The following MCHR2 variants were observed in gnomAD, a reference collection of about 807,000 sequenced individuals.
MCHR2 encodes the protein melanin concentrating hormone receptor 2.
A neutral mutation model predicts 24.8 loss-of-function variants in MCHR2; 15 were observed. The ratio of observed to expected loss-of-function variants is 0.60; its 90% CI spans 0.40 to 0.93. MCHR2 has a LOEUF of 0.93. MCHR2 is among the 40% of genes least tolerant of loss of function. MCHR2 has a pLI of 0.00. For synonymous variants in MCHR2, 151 were observed against 147.6 expected (o/e 1.02, Z -0.17); for missense variants, 386 against 408.7 (o/e 0.94, Z 0.48).
chr6:99,986,755 C>T (rs1216033685), intron 1 of MCHR2, among the ~76,000 whole-genome samples: 1 of 151,546 alleles, frequency 6.6e-6, no homozygotes, highest in East Asian at 1.9e-4. Flanking sequence ...ACACTAATAG[C>T]CCCAGACTTC....
intron 1 of MCHR2, among the ~76,000 whole-genome samples, chr6:99,957,499 A>C (rs1223065127): frequency 6.6e-6 from 1 of 152,110 alleles, no homozygotes; most frequent in Non-Finnish European, 1.5e-5. Flanking sequence ...AATGCTGAAC[A>C]TTTCCCTTTC....
intron 1 of MCHR2, among the ~76,000 whole-genome samples, chr6:99,973,818 GA>G (rs1163062710): frequency 3.3e-5 from 5 of 152,106 alleles, no homozygotes; most frequent in Non-Finnish European, 1.5e-5. Context: ...CTTCACTTAT[GA>G]AGCTTAGTTC....
chr6:99,973,239 G>T (rs574978480), intron 1 of MCHR2, among the ~76,000 whole-genome samples: 1 of 151,684 alleles, frequency 6.6e-6, no homozygotes, highest in African/African-American at 2.4e-5. Flanking sequence ...TTATGAATCT[G>T]GGTGCTCCTG....
chr6:99,962,483 G>A (rs962090713), intron 1 of MCHR2, among the ~76,000 whole-genome samples: 2 of 152,136 alleles, frequency 1.3e-5, no homozygotes, highest in African/African-American at 4.8e-5. Flanking sequence ...GGGTGCCAAA[G>A]TATACAATTG....
chr6:99,938,556 T>C (rs1774711157), intron 4 of MCHR2, among the ~76,000 whole-genome samples: 1 of 152,070 alleles, frequency 6.6e-6, no homozygotes, highest in Non-Finnish European at 1.5e-5. Flanking sequence ...TGGTCAAAGA[T>C]ACTTGCTATA....
intron 1 of MCHR2, among the ~76,000 whole-genome samples, chr6:99,968,032 A>G (rs1286008474): frequency 1.3e-5 from 2 of 152,202 alleles, no homozygotes; most frequent in Non-Finnish European, 2.9e-5. Flanking sequence ...TGAGGTTGTG[A>G]TGATTAATGT....
At chr6:99,941,403 C>T (rs1223150365) in intron 4 of MCHR2, among the ~76,000 whole-genome samples, 1 of 151,966 alleles carries the variant, frequency 6.6e-6, no homozygotes, top group Admixed American at 6.6e-5. Context: ...ATTCAGTCAG[C>T]TTGCTTCTAT....
chr6:99,953,692 T>TC (rs1775008019), intron 2 of MCHR2, among the ~76,000 whole-genome samples: 1 of 151,918 alleles, frequency 6.6e-6, no homozygotes, highest in African/African-American at 2.4e-5. Flanking sequence ...CGCTGCTTTT[T>TC]TTTTTGGTAT....
chr6:99,968,673 C>G (rs1035190331), intron 1 of MCHR2, among the ~76,000 whole-genome samples: 1 of 152,062 alleles, frequency 6.6e-6, no homozygotes, highest in African/African-American at 2.4e-5. Context: ...CCAACAACAG[C>G]AGACTTAACA....
intron 1 of MCHR2, among the ~76,000 whole-genome samples, chr6:99,974,359 T>C (rs1014050370): frequency 6.6e-6 from 1 of 152,270 alleles, no homozygotes; most frequent in South Asian, 2.1e-4. Context: ...CATTGGCTCC[T>C]GAGGCTTCTG....
intron 1 of MCHR2, among the ~76,000 whole-genome samples, chr6:99,968,050 CA>C (rs1362096075): frequency 6.6e-6 from 1 of 151,642 alleles, no homozygotes; most frequent in African/African-American, 2.4e-5. Flanking sequence ...TGTGATAATC[CA>C]AAAAAAGTAT....
chr6:99,955,727 T>A (rs1775045919), intron 2 of MCHR2, among the ~76,000 whole-genome samples: 1 of 152,090 alleles, frequency 6.6e-6, no homozygotes, highest in Non-Finnish European at 1.5e-5. Flanking sequence ...CCCTAAAAAC[T>A]CACTGACCCA....
rs1415244348 is a variant in MCHR2, at chr6:99,919,022, C to T, written c.*1918G>A. Among the ~76,000 whole-genome samples the T allele has an allele frequency of 6.6e-6, 1 of 152,160 alleles. No homozygotes were observed. The highest frequency in any genetic ancestry group is 1.5e-5 in the Non-Finnish European group (1 of 68,032). On this transcript the variant is annotated 3_prime_UTR_variant, in exon 6 of 6. Coordinates refer to ENST00000281806, the MANE Select transcript of MCHR2 (RefSeq NM_001040179.2). ...TCAATTATCACATAATAAGATGTTTCTGACCCATTGTGCTGGGTCTTCAGA... is the reference window on the plus strand; with the variant it reads ...TCAATTATCACATAATAAGATGTTTTTGACCCATTGTGCTGGGTCTTCAGA...
chr6:99,978,816 G>T (rs1040728492), intron 1 of MCHR2, among the ~76,000 whole-genome samples: 2 of 152,164 alleles, frequency 1.3e-5, no homozygotes, highest in African/African-American at 4.8e-5. Flanking sequence ...CCAAAAAAAT[G>T]TACCCTGCTT....
intron 1 of MCHR2, among the ~76,000 whole-genome samples, chr6:99,969,488 A>AAAG (rs1775355824): frequency 6.7e-6 from 1 of 148,646 alleles, no homozygotes; most frequent in African/African-American, 2.4e-5. Flanking sequence ...AAAAAAAAAA[A>AAAG]AAAAGAAAAG....
chr6:99,962,913 A>T (rs1775222617), intron 1 of MCHR2, among the ~76,000 whole-genome samples: 2 of 152,238 alleles, frequency 1.3e-5, no homozygotes, highest in South Asian at 4.1e-4. Flanking sequence ...ATAAGCAAAT[A>T]ACTCGATTTA....
intron 3 of MCHR2, among the ~76,000 whole-genome samples, chr6:99,944,908 C>T (rs774910015): frequency 1.3e-5 from 2 of 152,102 alleles, no homozygotes; most frequent in African/African-American, 2.4e-5. Flanking sequence ...CTTCCTCAAG[C>T]TCTTCCCCTT....
intron 1 of MCHR2, among the ~76,000 whole-genome samples, chr6:99,985,260 A>G (rs1273371117): frequency 1.2e-4 from 18 of 152,154 alleles, no homozygotes; most frequent in Admixed American, 1.2e-3. Context: ...GCCCAAAACA[A>G]TCTACAGATT....
intron 1 of MCHR2, among the ~76,000 whole-genome samples, chr6:99,963,841 G>A (rs372749499): frequency 2.7e-4 from 41 of 152,010 alleles, no homozygotes; most frequent in East Asian, 1.9e-3. Context: ...CAAGAAAGCC[G>A]AAAGTCAAGT....
Sources: gnomAD v4.1 joint callset for allele counts (sites outside exome capture counted in the v4.1 genomes callset) on GRCh38, gnomAD v4.1.1 for gene constraint, MANE v1.5 for transcripts, NCBI Gene and HGNC (gene_info 2026-07-23, HGNC 2026-07-21) for gene names.